IGF2BP3: variants seen among roughly 807,000 people sequenced by gnomAD.
The protein encoded by IGF2BP3 is insulin-like growth factor 2 mRNA-binding protein 3.
Under a neutral mutation model 73.8 loss-of-function variants are expected in IGF2BP3, and 9 were observed. The observed-to-expected ratio is 0.12, with a 90% CI of 0.07 to 0.21. The LOEUF (loss-of-function observed/expected upper bound fraction) is 0.21, where lower values mean the gene tolerates loss of function less well. IGF2BP3 is among the 10% of genes least tolerant of loss of function. The probability of loss-of-function intolerance (pLI) is 1.00; values close to 1 mark genes in which losing one functional copy is unlikely to be tolerated. For synonymous variants in IGF2BP3, 258 were observed against 256.7 expected (o/e 1.01, Z -0.05); for missense variants, 542 against 714.0 (o/e 0.76, Z 2.75).
intron 3 of IGF2BP3, among the ~76,000 whole-genome samples, chr7:23,386,056 T>G (rs759687735): frequency 6.6e-6 from 1 of 152,258 alleles, no homozygotes; most frequent in Non-Finnish European, 1.5e-5. Context: ...AATTATCTGA[T>G]AGAGAGAGGT....
At chr7:23,367,442 AG>A (rs1205228913) in intron 3 of IGF2BP3, among the ~76,000 whole-genome samples, 3 of 151,734 alleles carry the variant, frequency 2.0e-5, no homozygotes, top group Non-Finnish European at 2.9e-5. Context: ...ACAGTCTTAA[AG>A]GCCAAAAAAA....
At chr7:23,325,857 G>T (rs1210226951) in intron 10 of IGF2BP3, among the ~76,000 whole-genome samples, 1 of 152,118 alleles carries the variant, frequency 6.6e-6, no homozygotes, top group Non-Finnish European at 1.5e-5. Context: ...AATGGTGCTG[G>T]GAAAACTGGC....
chr7:23,323,438 C>A (rs1402933935), intron 10 of IGF2BP3, among the ~76,000 whole-genome samples: 1 of 145,192 alleles, frequency 6.9e-6, no homozygotes, highest in Admixed American at 6.9e-5. Flanking sequence ...GAGTGACCTA[C>A]AAAGAGACTT....
chr7:23,395,552 A>G (rs1786425353), intron 3 of IGF2BP3, among the ~76,000 whole-genome samples: 2 of 152,092 alleles, frequency 1.3e-5, no homozygotes, highest in African/African-American at 2.4e-5. Context: ...GCTTGAGCCC[A>G]GGAATTTGAG....
At chr7:23,452,708 A>G (rs1353030729) in intron 2 of IGF2BP3, among the ~76,000 whole-genome samples, 1 of 151,522 alleles carries the variant, frequency 6.6e-6, no homozygotes, top group African/African-American at 2.4e-5. Context: ...AGGCTAAGGC[A>G]GGAGAATCGC....
chr7:23,406,358 C>T (rs187300677), intron 3 of IGF2BP3, among the ~76,000 whole-genome samples: 18 of 152,124 alleles, frequency 1.2e-4, no homozygotes, highest in African/African-American at 3.1e-4. Flanking sequence ...AAATTGTGTC[C>T]GGAATTGGTT....
intron 3 of IGF2BP3, among the ~76,000 whole-genome samples, chr7:23,378,305 A>T (rs1785791321): frequency 6.6e-6 from 1 of 151,908 alleles, no homozygotes; most frequent in South Asian, 2.1e-4. Context: ...AGAATCAGGA[A>T]GAAAATGAAA....
At chr7:23,398,873 G>C in intron 3 of IGF2BP3, among the ~76,000 whole-genome samples, 1 of 152,176 alleles carries the variant, frequency 6.6e-6, no homozygotes, top group Admixed American at 6.5e-5. Flanking sequence ...TGTTCACTCT[G>C]ATGGTAGTTT....
intron 10 of IGF2BP3, among the ~76,000 whole-genome samples, chr7:23,329,523 T>C (rs762106281): frequency 6.6e-6 from 1 of 152,224 alleles, no homozygotes; most frequent in African/African-American, 2.4e-5. Context: ...TTGGTAAATA[T>C]TAAATTCCCA....
intron 3 of IGF2BP3, among the ~76,000 whole-genome samples, chr7:23,410,362 C>G (rs925629735): frequency 2.0e-5 from 3 of 152,028 alleles, no homozygotes; most frequent in African/African-American, 4.8e-5. Context: ...CTGTCTCAAT[C>G]AACTGATAAA....
intron 5 of IGF2BP3, among the ~76,000 whole-genome samples, chr7:23,353,764 C>T (rs1048485133): frequency 1.3e-5 from 2 of 152,162 alleles, no homozygotes; most frequent in African/African-American, 4.8e-5. Flanking sequence ...CTGACACATG[C>T]CACACTTATT....
intron 10 of IGF2BP3, among the ~76,000 whole-genome samples, chr7:23,324,837 T>C (rs1272798866): frequency 5.5e-5 from 7 of 128,358 alleles, no homozygotes; most frequent in South Asian, 2.8e-4. Context: ...ATTATCTCAA[T>C]AGATGCAGAA....
chr7:23,389,010 T>A (rs529292206), intron 3 of IGF2BP3, among the ~76,000 whole-genome samples: 4 of 152,184 alleles, frequency 2.6e-5, no homozygotes, highest in Non-Finnish European at 5.9e-5. Flanking sequence ...TGGTTTCACA[T>A]GTGTATATGT....
intron 2 of IGF2BP3, among the ~76,000 whole-genome samples, chr7:23,452,964 T>C (rs1235174851): frequency 6.6e-6 from 1 of 151,592 alleles, no homozygotes; most frequent in Non-Finnish European, 1.5e-5. Flanking sequence ...ATACAAAAAT[T>C]AGCTGGGCAT....
intron 3 of IGF2BP3, among the ~76,000 whole-genome samples, chr7:23,379,040 T>A (rs1164729516): frequency 6.6e-6 from 1 of 152,228 alleles, no homozygotes; most frequent in Non-Finnish European, 1.5e-5. Context: ...GTCAGAGTTC[T>A]ATGGAAGAAA....
At position 23,338,338 on chromosome 7, in the gene IGF2BP3, A is replaced by G. The variant is rs143909133; in HGVS notation, c.1203+3726T>C. Among the ~76,000 whole-genome samples, 28 of 152,270 alleles carry G rather than the reference A, an allele frequency of 1.8e-4. No individual in the cohort carries two copies. The East Asian group carries it at 4.6e-3, about 25-fold the overall frequency. ...TTTCAACATTGAAGCGCCCCTCCAA[A>G]GACTAGTAAACATTCTTTGTAGAAC... On this transcript the variant is annotated intron_variant, in intron 10 of 14. Transcript: ENST00000258729.
intron 2 of IGF2BP3, among the ~76,000 whole-genome samples, chr7:23,461,680 C>A (rs989290690): frequency 1.3e-5 from 2 of 152,204 alleles, no homozygotes; most frequent in African/African-American, 4.8e-5. Flanking sequence ...CATATCATCT[C>A]CTGCCGGAAT....
At chr7:23,382,696 AG>A in intron 3 of IGF2BP3, among the ~76,000 whole-genome samples, 1 of 152,160 alleles carries the variant, frequency 6.6e-6, no homozygotes, top group East Asian at 1.9e-4. Context: ...ACCTCAGACA[AG>A]TAAGTATAAA....
chr7:23,375,802 G>A (rs1785698423), intron 3 of IGF2BP3, among the ~76,000 whole-genome samples: 1 of 152,148 alleles, frequency 6.6e-6, no homozygotes. Context: ...AAAAGCAACT[G>A]GAGGAGGAGA....
Sources: allele counts gnomAD v4.1 joint callset (sites outside exome capture counted in the v4.1 genomes callset), GRCh38; gene constraint gnomAD v4.1.1; transcripts MANE v1.5; gene names NCBI Gene and HGNC (gene_info 2026-07-23, HGNC 2026-07-21).